UPP2: variants seen among roughly 807,000 people sequenced by gnomAD.
UPP2 encodes UPase 2.
A neutral mutation model predicts 26.7 loss-of-function variants in UPP2; 23 were observed. That is an observed-to-expected ratio of 0.86 (90% CI 0.62 to 1.22). UPP2 has a LOEUF of 1.22. UPP2 is among the 50% of genes most tolerant of loss of function. UPP2 has a pLI of 0.00. For missense variants in UPP2, 387 were observed against 396.7 expected, an observed-to-expected ratio of 0.98 and a Z score of 0.21; for synonymous variants, 127 against 141.3, an observed-to-expected ratio of 0.90 and a Z score of 0.72.
intron 3 of UPP2, among the ~76,000 whole-genome samples, chr2:158,019,696 CAGAG>C (rs1185742691): frequency 7.6e-5 from 11 of 145,196 alleles, no homozygotes; most frequent in African/African-American, 1.5e-4. Flanking sequence ...ACAAGAAAGA[CAGAG>C]AGAGAGAGAG....
intron 3 of UPP2, among the ~76,000 whole-genome samples, chr2:158,079,085 C>T (rs1394486189): frequency 7.9e-5 from 12 of 152,054 alleles, no homozygotes. Flanking sequence ...TTCATTCTCT[C>T]TCCTGACACC....
At chr2:158,037,241 G>A (rs1302501852) in intron 3 of UPP2, among the ~76,000 whole-genome samples, 1 of 152,068 alleles carries the variant, frequency 6.6e-6, no homozygotes, top group Non-Finnish European at 1.5e-5. Flanking sequence ...TGGGTGTGGT[G>A]GCGGGCATCT....
chr2:158,081,901 T>C (rs1220779660), intron 3 of UPP2, among the ~76,000 whole-genome samples: 1 of 152,058 alleles, frequency 6.6e-6, no homozygotes. Context: ...TTTATATTTA[T>C]TTTTATTTCA....
chr2:158,031,094 A>C (rs186716242), intron 3 of UPP2, among the ~76,000 whole-genome samples: 1 of 152,348 alleles, frequency 6.6e-6, no homozygotes, highest in East Asian at 1.9e-4. Flanking sequence ...AAATATTAAA[A>C]TTAAATAAAT....
At chr2:158,038,372 T>C (rs192886028) in intron 3 of UPP2, among the ~76,000 whole-genome samples, 42 of 152,332 alleles carry the variant, frequency 2.8e-4, no homozygotes, top group Admixed American at 2.5e-3. Flanking sequence ...AAATAGTTGA[T>C]TTCAAAGAAC....
At chr2:158,069,708 T>C (rs184713310) in intron 3 of UPP2, among the ~76,000 whole-genome samples, 161 of 152,326 alleles carry the variant, frequency 1.1e-3, no homozygotes, top group African/African-American at 3.8e-3. Context: ...ACCTCAGTGA[T>C]CTCTCAGTCA....
chr2:158,012,566 C>G (rs537567721), intron 2 of UPP2, among the ~76,000 whole-genome samples: 1 of 151,986 alleles, frequency 6.6e-6, no homozygotes, highest in Middle Eastern at 3.2e-3. Context: ...CCGTGCCTAG[C>G]TGATATAATT....
chr2:158,024,202 T>C (rs1381717898), intron 3 of UPP2, among the ~76,000 whole-genome samples: 1 of 152,160 alleles, frequency 6.6e-6, no homozygotes, highest in African/African-American at 2.4e-5. Context: ...AATATGGGAC[T>C]TAGAGCATAT....
intron 3 of UPP2, among the ~76,000 whole-genome samples, chr2:158,079,219 C>A (rs1010057055): frequency 6.6e-6 from 1 of 152,056 alleles, no homozygotes; most frequent in Non-Finnish European, 1.5e-5. Flanking sequence ...TTCTTCATAG[C>A]AGCATGAGAA....
intron 3 of UPP2, among the ~76,000 whole-genome samples, chr2:158,050,746 T>C (rs1237993617): frequency 6.6e-6 from 1 of 152,202 alleles, no homozygotes; most frequent in African/African-American, 2.4e-5. Context: ...TGCTGTCAAA[T>C]GTGATTATGG....
rs113163371 is a variant in UPP2, at chr2:158,035,630, C to A, written c.147+19744C>A. ...GGCATGGGCTTGTAACCTGAGCTGG[C>A]CAATCAGAGTCTACCTGGGAATTGC... On this transcript the variant is annotated intron_variant, in intron 3 of 9. Coordinates refer to the UPP2 transcript ENST00000605860. Among the ~76,000 whole-genome samples the A allele has an allele frequency of 5.2e-3, 794 of 152,268 alleles. 5 individuals carry two copies. Among genetic ancestry groups the A allele is most frequent in the African/African-American group, 0.017 (718 of 41,564 alleles).
At chr2:158,029,439 C>T (rs1412867735) in intron 3 of UPP2, among the ~76,000 whole-genome samples, 2 of 152,194 alleles carry the variant, frequency 1.3e-5, no homozygotes, top group Non-Finnish European at 2.9e-5. Flanking sequence ...CCTTCAAGTT[C>T]CATCTGGCTG....
intron 3 of UPP2, among the ~76,000 whole-genome samples, chr2:158,050,907 T>C (rs1682144049): frequency 6.6e-6 from 1 of 152,098 alleles, no homozygotes; most frequent in African/African-American, 2.4e-5. Flanking sequence ...CATTTAAAAA[T>C]AACTAAAAGA....
At chr2:158,093,926 T>C (rs1452542010) in intron 3 of UPP2, among the ~76,000 whole-genome samples, 3 of 150,994 alleles carry the variant, frequency 2.0e-5, no homozygotes, top group Non-Finnish European at 4.4e-5. Flanking sequence ...GGAAGCAACA[T>C]AAAAAAGCCA....
At chr2:158,010,317 G>A (rs1165740399) in intron 2 of UPP2, among the ~76,000 whole-genome samples, 1 of 152,118 alleles carries the variant, frequency 6.6e-6, no homozygotes, top group African/African-American at 2.4e-5. Flanking sequence ...TATAAGTAGT[G>A]CTTTGATTTT....
upstream of UPP2, among the ~76,000 whole-genome samples, chr2:158,099,316 T>G (rs1190370264): frequency 6.6e-6 from 1 of 152,190 alleles, no homozygotes; most frequent in East Asian, 1.9e-4. Context: ...AGGACATTTT[T>G]GGAGCTCTCT....
chr2:158,108,727 CA>C (rs1410062562), intron 2 of UPP2, among the ~76,000 whole-genome samples: 3 of 152,146 alleles, frequency 2.0e-5, no homozygotes, highest in Non-Finnish European at 4.4e-5. Context: ...CACTGTCTGT[CA>C]TAACCACTAT....
At chr2:158,060,282 T>C (rs536596423) in intron 3 of UPP2, among the ~76,000 whole-genome samples, 2 of 152,206 alleles carry the variant, frequency 1.3e-5, no homozygotes, top group Non-Finnish European at 2.9e-5. Context: ...TTAGTGTGTC[T>C]TCATCTCTAC....
At chr2:158,022,423 C>T (rs953660155) in intron 3 of UPP2, among the ~76,000 whole-genome samples, 2 of 145,586 alleles carry the variant, frequency 1.4e-5, no homozygotes, top group African/African-American at 2.6e-5. Context: ...CACACCACTG[C>T]ACTCCAGCCC....
Sources: allele counts gnomAD v4.1 joint callset (sites outside exome capture counted in the v4.1 genomes callset), GRCh38; gene constraint gnomAD v4.1.1; transcripts MANE v1.5; gene names NCBI Gene and HGNC (gene_info 2026-07-23, HGNC 2026-07-21).